The following NFIA variants were observed in gnomAD, a reference collection of about 807,000 sequenced individuals.
The protein encoded by NFIA is nuclear factor 1 A-type.
In NFIA, 8 loss-of-function variants were observed where a neutral mutation model predicts 62.8. That is an observed-to-expected ratio of 0.13 (90% confidence interval 0.07 to 0.23). NFIA has a LOEUF of 0.23. NFIA is among the 10% of genes least tolerant of loss of function. NFIA has a pLI of 1.00. For missense variants in NFIA, 410 were observed against 642.1 expected (o/e 0.64, Z 3.91); for synonymous variants, 235 against 238.1 (o/e 0.99, Z 0.12).
intron 3 of NFIA, among the ~76,000 whole-genome samples, chr1:61,326,873 A>G (rs1660967098): frequency 6.6e-6 from 1 of 152,038 alleles, no homozygotes; most frequent in South Asian, 2.1e-4. Flanking sequence ...GAAGCAGTGC[A>G]ACGAGGAGCT....
intron 7 of NFIA, among the ~76,000 whole-genome samples, chr1:61,384,802 G>A (rs552810601): frequency 3.4e-4 from 52 of 152,156 alleles, no homozygotes; most frequent in African/African-American, 1.2e-3. Flanking sequence ...CTCAGTATTG[G>A]GGGGACCGTG....
intron 2 of NFIA, among the ~76,000 whole-genome samples, chr1:61,218,641 T>C (rs1369999098): frequency 2.0e-5 from 3 of 152,256 alleles, no homozygotes; most frequent in Admixed American, 1.3e-4. Flanking sequence ...CATATATATG[T>C]ATTTTTGAAA....
At chr1:61,283,790 C>G (rs1365141660) in intron 3 of NFIA, among the ~76,000 whole-genome samples, 1 of 151,564 alleles carries the variant, frequency 6.6e-6, no homozygotes, top group Admixed American at 6.6e-5. Flanking sequence ...AGATATATTA[C>G]AATATTATAT....
At chr1:61,350,722 A>G (rs1490868104) in intron 4 of NFIA, among the ~76,000 whole-genome samples, 1 of 152,206 alleles carries the variant, frequency 6.6e-6, no homozygotes, top group Non-Finnish European at 1.5e-5. Context: ...ATTCTACACT[A>G]TGTCATCATA....
At chr1:61,081,845 G>T, upstream of NFIA, 1 of 1,510,984 alleles carries the variant, frequency 6.6e-7, no homozygotes, top group Admixed American at 2.1e-5. Context: ...CCCACAGAAA[G>T]CTTCGCTGGA....
chr1:61,256,222 C>T (rs2100225604), intron 2 of NFIA, among the ~76,000 whole-genome samples: 1 of 152,098 alleles, frequency 6.6e-6, no homozygotes, highest in Non-Finnish European at 1.5e-5. Context: ...GAGGTGAGGT[C>T]AGGAGTTCAA....
intron 2 of NFIA, among the ~76,000 whole-genome samples, chr1:61,216,070 G>A (rs1653605146): frequency 6.6e-6 from 1 of 152,216 alleles, no homozygotes; most frequent in Admixed American, 6.5e-5. Flanking sequence ...CACTGTGATA[G>A]TCATATCTTG....
chr1:61,326,616 C>G (rs535184925), intron 3 of NFIA, among the ~76,000 whole-genome samples: 1 of 152,150 alleles, frequency 6.6e-6, no homozygotes, highest in Admixed American at 6.5e-5. Flanking sequence ...GGCTTACAGT[C>G]TAATGTGAGA....
chr1:61,147,652 G>GT (rs113390087), intron 2 of NFIA, among the ~76,000 whole-genome samples: 38 of 151,284 alleles, frequency 2.5e-4, no homozygotes, highest in African/African-American at 2.2e-4. Context: ...CATTCAGGCA[G>GT]TTTTTTTTTC....
chr1:61,167,118 G>T (rs991117612), intron 2 of NFIA, among the ~76,000 whole-genome samples: 1 of 152,168 alleles, frequency 6.6e-6, no homozygotes, highest in African/African-American at 2.4e-5. Flanking sequence ...TCCAGCCTGG[G>T]TGACAGAGTG....
chr1:61,385,703 C>T (rs1347200154), intron 7 of NFIA, among the ~76,000 whole-genome samples: 1 of 152,138 alleles, frequency 6.6e-6, no homozygotes, highest in African/African-American at 2.4e-5. Flanking sequence ...TGACTAAGCA[C>T]ATTTTCTAAA....
In NFIA at chr1:61,360,759, C is replaced by T. The variant is rs558437049; in HGVS notation, c.946+1485C>T. ...TGGTGGTCACAGTAATCTATACAAT[C>T]GTTAACATTCACAGAAGTACATACC... On this transcript the variant is annotated intron_variant, in intron 6 of 10. Transcript: ENST00000403491. Among the ~76,000 whole-genome samples, 6 of 152,304 alleles carry T rather than the reference C, an allele frequency of 3.9e-5. No homozygotes were observed. In the East Asian group the frequency reaches 7.7e-4, roughly 20 times the overall value.
intron 10 of NFIA, among the ~76,000 whole-genome samples, chr1:61,445,819 A>AT (rs1237749851): frequency 1.3e-5 from 2 of 151,912 alleles, no homozygotes; most frequent in African/African-American, 4.8e-5. Flanking sequence ...TTTTAACTTT[A>AT]TTTTTTCCCT....
intron 3 of NFIA, among the ~76,000 whole-genome samples, chr1:61,287,857 T>C (rs12033288): frequency 0.081 from 12,304 of 152,218 alleles, 593 homozygotes; most frequent in South Asian, 0.11. Context: ...GTAACAGCAG[T>C]GTATGAAAAG....
At chr1:61,196,905 G>C (rs1284481653) in intron 2 of NFIA, among the ~76,000 whole-genome samples, 1 of 34,900 alleles carries the variant, frequency 2.9e-5, no homozygotes, top group Non-Finnish European at 4.6e-5. Context: ...AGGAGTGTGT[G>C]TGTGTGTGTG....
intron 2 of NFIA, among the ~76,000 whole-genome samples, chr1:61,188,452 T>G (rs1651366595): frequency 6.6e-6 from 1 of 152,150 alleles, no homozygotes; most frequent in South Asian, 2.1e-4. Context: ...CTGTTCTATT[T>G]TAGCTTGAAA....
At position 61,456,560 on chromosome 1, in the gene NFIA, A is replaced by C. The variant is rs1227438461; in HGVS notation, c.*1240A>C. ...GCCAATTCTAAAAAATTTTACACCT[A>C]TCTGGCATCATAGGATTTATCAGTT... On this transcript the variant is annotated 3_prime_UTR_variant, in exon 11 of 11. Transcript: ENST00000403491. 1 of 151,792 alleles carries C rather than the reference A, an allele frequency of 6.6e-6. No individual in the cohort carries two copies. The highest frequency in any genetic ancestry group is 1.5e-5 in the Non-Finnish European group (1 of 67,932). The allele number at this position is 151,792 out of a possible 1,614,324, so 9.4% of individuals were successfully genotyped here.
At chr1:61,096,585 C>T (rs959660425) in intron 2 of NFIA, among the ~76,000 whole-genome samples, 5 of 119,888 alleles carry the variant, frequency 4.2e-5, no homozygotes, top group Non-Finnish European at 3.2e-5. Context: ...CGGAGTCTTG[C>T]TCTGTCACCC....
intron 2 of NFIA, among the ~76,000 whole-genome samples, chr1:61,185,929 T>A (rs1438121037): frequency 6.6e-6 from 1 of 152,184 alleles, no homozygotes; most frequent in East Asian, 1.9e-4. Context: ...TATTTATTTA[T>A]CTTTTGCACT....
Sources: gnomAD v4.1 joint callset for allele counts (sites outside exome capture counted in the v4.1 genomes callset) on GRCh38, gnomAD v4.1.1 for gene constraint, MANE v1.5 for transcripts, NCBI Gene and HGNC (gene_info 2026-07-23, HGNC 2026-07-21) for gene names.